RPTOR: variants seen among roughly 807,000 people sequenced by gnomAD.
RPTOR encodes the protein regulatory associated protein of MTOR complex 1.
A neutral mutation model predicts 169.9 loss-of-function variants in RPTOR; 21 were observed. The observed-to-expected ratio is 0.12, with a 90% confidence interval of 0.09 to 0.18. The LOEUF (loss-of-function observed/expected upper bound fraction) is 0.18. Among genes scored for constraint, RPTOR ranks in the 10% least tolerant of loss-of-function variants. The probability of loss-of-function intolerance (pLI) is 1.00; values close to 1 mark genes in which losing one functional copy is unlikely to be tolerated. For synonymous variants in RPTOR, 732 were observed against 753.2 expected (o/e 0.97, Z 0.46); for missense variants, 1,133 against 1,855.9 (o/e 0.61, Z 7.16).
chr17:80,639,663 T>C (rs1470652531), intron 2 of RPTOR, among the ~76,000 whole-genome samples: 2 of 152,200 alleles, frequency 1.3e-5, no homozygotes, highest in Non-Finnish European at 2.9e-5. Flanking sequence ...AGGTCATTGG[T>C]GGCCCTGTCT....
At chr17:80,714,577 A>G (rs1202811400) in intron 4 of RPTOR, among the ~76,000 whole-genome samples, 3 of 152,276 alleles carry the variant, frequency 2.0e-5, no homozygotes, top group Admixed American at 6.5e-5. Context: ...AGACAAAATC[A>G]TAAAAGAAAA....
chr17:80,703,694 G>A (rs895108580), intron 3 of RPTOR, among the ~76,000 whole-genome samples: 1 of 152,118 alleles, frequency 6.6e-6, no homozygotes, highest in African/African-American at 2.4e-5. Flanking sequence ...CCTTCCCAGG[G>A]CCCCAGTACT....
At chr17:80,691,648 A>G (rs557534645) in intron 3 of RPTOR, among the ~76,000 whole-genome samples, 35 of 152,252 alleles carry the variant, frequency 2.3e-4, no homozygotes, top group Admixed American at 1.9e-3. Flanking sequence ...ACAAGCCAGC[A>G]TGTTCTGTGC....
chr17:80,797,833 G>A (rs1402916178), intron 7 of RPTOR, among the ~76,000 whole-genome samples: 1 of 152,086 alleles, frequency 6.6e-6, no homozygotes, highest in Non-Finnish European at 1.5e-5. Context: ...ACTACCTCAG[G>A]GCCCCTTTTT....
rs918042293 is a variant in RPTOR at position 80,964,465 on chromosome 17, C to T, written c.*135C>T. 10 of 806,762 alleles carry T rather than the reference C, an allele frequency of 1.2e-5. No individual in the cohort carries two copies. Among genetic ancestry groups the T allele is most frequent in the Non-Finnish European group, 2.1e-5 (10 of 486,928 alleles). 50.0% of individuals were successfully genotyped at this position (806,762 alleles called of 1,614,324 possible). A position where few individuals can be genotyped will look rare whatever the true frequency, so the allele number is the denominator to read the frequency against. On this transcript the variant is annotated 3_prime_UTR_variant, in exon 34 of 34. Transcript: ENST00000306801. ...CTGCTGCCTTAGCTGCTGATGACGG[C>T]AGGAGGGCCCTGCTACTCGCTTTTG...
At chr17:80,944,246 C>G (rs1175451348) in intron 25 of RPTOR, among the ~76,000 whole-genome samples, 1 of 152,220 alleles carries the variant, frequency 6.6e-6, no homozygotes, top group Non-Finnish European at 1.5e-5. Context: ...AGTTACCATT[C>G]TAGACTGAAA....
At chr17:80,755,843 C>G (rs769143721) in intron 6 of RPTOR, among the ~76,000 whole-genome samples, 11 of 152,134 alleles carry the variant, frequency 7.2e-5, no homozygotes, top group Non-Finnish European at 1.6e-4. Context: ...GCCAGTACCC[C>G]CACCTTACCT....
chr17:80,919,195 G>T (rs1212794737), intron 21 of RPTOR, among the ~76,000 whole-genome samples: 2 of 152,214 alleles, frequency 1.3e-5, no homozygotes, highest in African/African-American at 4.8e-5. Flanking sequence ...TTTTCCAAAA[G>T]AAGAGTTCGT....
chr17:80,857,618 G>A (rs1238354618), intron 12 of RPTOR, among the ~76,000 whole-genome samples, 172 bp from the exon 13 acceptor site: 1 of 152,202 alleles, frequency 6.6e-6, no homozygotes, highest in Non-Finnish European at 1.5e-5. Flanking sequence ...ATAAATCAGA[G>A]ATGAATAAAT....
At position 80,726,019 on chromosome 17, in the gene RPTOR, C is replaced by T. The variant is rs8072229; in HGVS notation, c.508-4541C>T. ...GTGTGGGGGTGGCTGGGTGGTGCTG[C>T]GGAAGATTGTGTGGTGCACAGGGCA... On this transcript the variant is annotated intron_variant, in intron 4 of 33. Coordinates refer to ENST00000306801, the MANE Select transcript of RPTOR (RefSeq NM_020761.3). The surrounding 1 kb of genome is among the most constrained non-coding windows in gnomAD (Gnocchi z 4.5). 0.18 allele frequency among the ~76,000 whole-genome samples: 27,044 copies of T among 152,072 alleles called. 2,833 individuals carry two copies. The highest frequency in any genetic ancestry group is 0.24 in the East Asian group (1,236 of 5,160).
chr17:80,831,332 C>A (rs186966097), intron 9 of RPTOR, among the ~76,000 whole-genome samples: 3 of 152,314 alleles, frequency 2.0e-5, no homozygotes, highest in Admixed American at 6.5e-5. Flanking sequence ...CTGAGAAAAT[C>A]CCCCTCCAAT....
At chr17:80,700,388 GTGGTAGTGGTGGTGA>G (rs2066074112) in intron 3 of RPTOR, among the ~76,000 whole-genome samples, 1 of 151,262 alleles carries the variant, frequency 6.6e-6, no homozygotes, top group South Asian at 2.1e-4. Flanking sequence ...GGTGGTGATG[GTGGTAGTGGTGGTGA>G]TGGTGGTGGT....
chr17:80,695,770 A>G lies in RPTOR; in HGVS notation c.349-12071A>G, dbSNP rs1241020637. Reference sequence around the variant, plus strand: ...AACAAGTCGCTTGAGGCCCATCTTTACAGAGTGACAGGAGCTCAGGATGCA... The same window carrying G: ...AACAAGTCGCTTGAGGCCCATCTTTGCAGAGTGACAGGAGCTCAGGATGCA... On this transcript the variant is annotated intron_variant, in intron 3 of 33. Coordinates refer to ENST00000306801, the MANE Select transcript of RPTOR (RefSeq NM_020761.3). The surrounding 1 kb of genome is among the most constrained non-coding windows in gnomAD (Gnocchi z 4.9). Among the ~76,000 whole-genome samples, 1 of 152,158 alleles carries G rather than the reference A, an allele frequency of 6.6e-6. No individual in the cohort carries two copies. Among genetic ancestry groups the G allele is most frequent in the African/African-American group, 2.4e-5 (1 of 41,430 alleles).
In RPTOR at chr17:80,963,064, G is replaced by GTGGC. The variant is rs2069366493; in HGVS notation, c.3939+8_3939+11dup. 6.4e-7 allele frequency: 1 copy of GTGGC among 1,551,070 alleles called. No individual in the cohort carries two copies. Among genetic ancestry groups the GTGGC allele is most frequent in the Non-Finnish European group, 8.7e-7 (1 of 1,145,650 alleles). On this transcript the variant is annotated splice_region_variant and intron_variant, in intron 33 of 33. Coordinates refer to ENST00000306801, the MANE Select transcript of RPTOR (RefSeq NM_020761.3). ...GGCCTTCCACCCGCACTGGGTCAGT[G>GTGGC]TGGCGGTGGGTGGGGGTCGGGGGTC... is the stretch of plus-strand genomic sequence containing the variant.
At chr17:80,608,158 G>A (rs764039192) in intron 1 of RPTOR, among the ~76,000 whole-genome samples, 17 of 152,116 alleles carry the variant, frequency 1.1e-4, no homozygotes, top group Non-Finnish European at 1.5e-4. Context: ...ACTGAGCAGG[G>A]TTCCCCCACT....
intron 1 of RPTOR, among the ~76,000 whole-genome samples, chr17:80,585,764 G>A (rs1408571375): frequency 6.6e-6 from 1 of 152,220 alleles, no homozygotes; most frequent in Non-Finnish European, 1.5e-5. Context: ...ATGAAGAGGA[G>A]CCTGGAGGTA....
chr17:80,793,730 G>A (rs147133750), intron 7 of RPTOR, among the ~76,000 whole-genome samples: 42 of 152,396 alleles, frequency 2.8e-4, no homozygotes, highest in African/African-American at 8.9e-4. Context: ...CATGAGCTCA[G>A]ACAGCGCCAC....
intron 13 of RPTOR, among the ~76,000 whole-genome samples, chr17:80,871,974 A>T (rs2068056761): frequency 6.6e-6 from 1 of 152,080 alleles, no homozygotes; most frequent in African/African-American, 2.4e-5. Context: ...CAGTTGGGTG[A>T]GTCCCAGGAA....
chr17:80,877,246 G>A (rs764575102), intron 13 of RPTOR, among the ~76,000 whole-genome samples: 2 of 152,240 alleles, frequency 1.3e-5, no homozygotes, highest in Non-Finnish European at 2.9e-5. Context: ...AGTCCCCCTA[G>A]CCAGCGAAGT....
Sources: gnomAD v4.1 joint callset for allele counts (sites outside exome capture counted in the v4.1 genomes callset) on GRCh38, gnomAD v4.1.1 for gene constraint, Gnocchi (gnomAD v3.1) non-coding constraint, MANE v1.5 for transcripts, NCBI Gene and HGNC (gene_info 2026-07-23, HGNC 2026-07-21) for gene names.